The following NRG3 variants were observed in gnomAD, a reference collection of about 807,000 sequenced individuals.
The protein encoded by NRG3 is neuregulin 3.
Under a neutral mutation model 66.9 loss-of-function variants are expected in NRG3, and 31 were observed. That is an observed-to-expected ratio of 0.46 (90% CI 0.35 to 0.63). The LOEUF is 0.63. Among genes scored for constraint, NRG3 ranks in the 20% least tolerant of loss-of-function variants. The probability of loss-of-function intolerance (pLI) is 0.00; values close to 1 mark genes in which losing one functional copy is unlikely to be tolerated. For missense variants in NRG3, 910 were observed against 878.9 expected, an observed-to-expected ratio of 1.04 and a Z score of -0.45; for synonymous variants, 393 against 359.4, an observed-to-expected ratio of 1.09 and a Z score of -1.06.
At chr10:82,082,437 GT>G (rs2065446862) in intron 1 of NRG3, among the ~76,000 whole-genome samples, 1 of 152,200 alleles carries the variant, frequency 6.6e-6, no homozygotes, top group Non-Finnish European at 1.5e-5. Flanking sequence ...AGTCAAGGAA[GT>G]GTTAAGGTTA....
chr10:81,975,557 G>T (rs1428223453), intron 1 of NRG3, among the ~76,000 whole-genome samples: 1 of 151,968 alleles, frequency 6.6e-6, no homozygotes, highest in African/African-American at 2.4e-5. Context: ...GGAAAGGCAG[G>T]CCACAAATTA....
At chr10:82,899,862 C>T (rs564541188) in intron 4 of NRG3, among the ~76,000 whole-genome samples, 8 of 152,026 alleles carry the variant, frequency 5.3e-5, no homozygotes, top group African/African-American at 9.7e-5. Context: ...TTAATGGTTA[C>T]GAGAGGGGTA....
intron 4 of NRG3, among the ~76,000 whole-genome samples, chr10:82,898,837 T>A (rs981679672): frequency 6.8e-6 from 1 of 147,932 alleles, no homozygotes. Flanking sequence ...TTTTTCTGCC[T>A]CAGCCTCCCT....
At chr10:82,894,255 G>A (rs1843437943) in intron 4 of NRG3, among the ~76,000 whole-genome samples, 1 of 152,110 alleles carries the variant, frequency 6.6e-6, no homozygotes, top group African/African-American at 2.4e-5. Context: ...TTTAGCAAAT[G>A]TACTAGGTGT....
intron 3 of NRG3, among the ~76,000 whole-genome samples, chr10:82,756,596 G>T (rs2135006978): frequency 6.6e-6 from 1 of 152,138 alleles, no homozygotes; most frequent in Non-Finnish European, 1.5e-5. Context: ...TTTCAGAGTG[G>T]AGAAAGAAAT....
chr10:82,510,721 C>G (rs191258403), intron 2 of NRG3, among the ~76,000 whole-genome samples: 1 of 152,306 alleles, frequency 6.6e-6, no homozygotes, highest in East Asian at 1.9e-4. Flanking sequence ...ATCTCCGTAT[C>G]CTTGATCCTT....
At chr10:82,802,148 T>C (rs2061068851) in intron 3 of NRG3, among the ~76,000 whole-genome samples, 1 of 152,200 alleles carries the variant, frequency 6.6e-6, no homozygotes, top group Admixed American at 6.5e-5. Flanking sequence ...TTTACTCTAA[T>C]ACTTTTGTGA....
chr10:82,306,703 TAAAAAAAAAAAAAAAAAAA>T (rs71009805), intron 1 of NRG3, among the ~76,000 whole-genome samples: 2 of 35,882 alleles, frequency 5.6e-5, no homozygotes, highest in African/African-American at 9.9e-5. Flanking sequence ...GACTCCGTCT[TAAAAAAAAAAAAAAAAAAA>T]AAAAAAAAAA....
At chr10:82,824,406 T>A (rs1482455075) in intron 3 of NRG3, among the ~76,000 whole-genome samples, 4 of 152,212 alleles carry the variant, frequency 2.6e-5, no homozygotes. Flanking sequence ...TGCTGAGTTA[T>A]ATGGTAGCTT....
chr10:82,777,297 T>C (rs781052799), intron 3 of NRG3, among the ~76,000 whole-genome samples: 1 of 152,106 alleles, frequency 6.6e-6, no homozygotes, highest in African/African-American at 2.4e-5. Flanking sequence ...TTAGGGGTCT[T>C]CCTGTTTATG....
chr10:82,351,884 C>CCCTA (rs1291114258), intron 1 of NRG3, among the ~76,000 whole-genome samples: 1 of 152,218 alleles, frequency 6.6e-6, no homozygotes, highest in Non-Finnish European at 1.5e-5. Flanking sequence ...CAATGGCAAG[C>CCCTA]CCTACTACCG....
At chr10:82,007,445 G>A (rs2061417655) in intron 1 of NRG3, among the ~76,000 whole-genome samples, 1 of 151,972 alleles carries the variant, frequency 6.6e-6, no homozygotes, top group Admixed American at 6.6e-5. Context: ...TTGACTTTGT[G>A]ATCTGCATGC....
intron 2 of NRG3, among the ~76,000 whole-genome samples, chr10:82,395,118 G>A (rs759675382): frequency 2.0e-5 from 3 of 152,152 alleles, no homozygotes; most frequent in African/African-American, 4.8e-5. Context: ...TGAGAAGAAC[G>A]TATGCCAGAT....
intron 2 of NRG3, among the ~76,000 whole-genome samples, chr10:82,610,480 G>T (rs2048243773): frequency 6.6e-6 from 1 of 152,064 alleles, no homozygotes; most frequent in Admixed American, 6.6e-5. Context: ...GTTTGTAATT[G>T]ACTTTTTCAT....
At chr10:82,431,878 A>G (rs2136329267) in intron 2 of NRG3, among the ~76,000 whole-genome samples, 1 of 152,336 alleles carries the variant, frequency 6.6e-6, no homozygotes, top group South Asian at 2.1e-4. Flanking sequence ...TTACATAGAA[A>G]GAAATGGGCA....
intron 1 of NRG3, among the ~76,000 whole-genome samples, chr10:82,349,140 T>A (rs2083235023): frequency 6.6e-6 from 1 of 151,914 alleles, no homozygotes; most frequent in African/African-American, 2.4e-5. Flanking sequence ...GGAGAGGCGC[T>A]CTGCTTTTTA....
At chr10:82,885,314 A>C (rs1842633648) in intron 4 of NRG3, among the ~76,000 whole-genome samples, 1 of 152,166 alleles carries the variant, frequency 6.6e-6, no homozygotes, top group Non-Finnish European at 1.5e-5. Flanking sequence ...TCTTTGGGAA[A>C]GCTGGAGTTT....
chr10:82,959,967 T>C (rs1475853528), intron 6 of NRG3, among the ~76,000 whole-genome samples: 3 of 152,200 alleles, frequency 2.0e-5, no homozygotes, highest in African/African-American at 7.2e-5. Context: ...TTTCAGAATC[T>C]GAGGCATAAA....
At chr10:82,966,285 C>T (rs999553161) in intron 6 of NRG3, among the ~76,000 whole-genome samples, 2 of 152,100 alleles carry the variant, frequency 1.3e-5, no homozygotes, top group African/African-American at 4.8e-5. Context: ...TCCTTAGGTT[C>T]CCCTTACCTG....
Sources: allele counts gnomAD v4.1 joint callset (sites outside exome capture counted in the v4.1 genomes callset), GRCh38; gene constraint gnomAD v4.1.1; transcripts MANE v1.5; gene names NCBI Gene and HGNC (gene_info 2026-07-23, HGNC 2026-07-21).